Variants in SLC9C1 observed in about 807,000 individuals in gnomAD.
SLC9C1 encodes the protein sodium/hydrogen exchanger 10.
In SLC9C1, 97 loss-of-function variants were observed where a neutral mutation model predicts 140.9. The ratio of observed to expected loss-of-function variants is 0.69; its 90% confidence interval spans 0.58 to 0.82. The LOEUF (loss-of-function observed/expected upper bound fraction) is 0.82. Among genes scored for constraint, SLC9C1 ranks in the 40% least tolerant of loss-of-function variants. The probability of loss-of-function intolerance (pLI) is 0.00; values close to 1 mark genes in which losing one functional copy is unlikely to be tolerated. For synonymous variants in SLC9C1, 440 were observed against 442.6 expected (o/e 0.99, Z 0.07); for missense variants, 1,340 against 1,389.3 (o/e 0.96, Z 0.56).
chr3:112,152,987 T>A (rs2075027709), intron 27 of SLC9C1, among the ~76,000 whole-genome samples: 1 of 152,178 alleles, frequency 6.6e-6, no homozygotes, highest in African/African-American at 2.4e-5. Flanking sequence ...TGATCTATCT[T>A]TCTTTCCCCC....
At chr3:112,186,806 A>T (rs1462277984) in intron 20 of SLC9C1, among the ~76,000 whole-genome samples, 2 of 152,224 alleles carry the variant, frequency 1.3e-5, no homozygotes, top group Non-Finnish European at 2.9e-5. Context: ...ACACCTACAC[A>T]GTCGCTTAAA....
chr3:112,169,729 C>T (rs1246277247), intron 23 of SLC9C1, among the ~76,000 whole-genome samples: 3 of 151,902 alleles, frequency 2.0e-5, no homozygotes, highest in Non-Finnish European at 4.4e-5. Flanking sequence ...TTTTTGGTTC[C>T]ATATGAATTT....
In SLC9C1 at chr3:112,208,273, A is replaced by G; in HGVS notation, c.1891T>C (p.Ser631Pro). The G allele has an allele frequency of 6.2e-7, 1 of 1,611,080 alleles. No homozygotes were observed. Among genetic ancestry groups the G allele is most frequent in the Non-Finnish European group, 8.5e-7 (1 of 1,178,000 alleles). ...ATTACATTTAACTGGGATATCCAAG[A>G]GATTATAAAGGGAAATATATTCATT... The part of the protein sequence containing the change: ...ILMNIFPFII[S>P]WISQLNVIYH... Residue 631 changes from serine to proline, a missense_variant, in exon 16 of 29, where the codon TCT becomes CCT. Physicochemically the swap from Ser to Pro is moderately conservative, Grantham distance 74. Transcript: ENST00000305815.
chr3:112,263,208 A>C, intron 9 of SLC9C1, 110 bp from the exon 10 acceptor site: 3 of 874,026 alleles, frequency 3.4e-6, no homozygotes, highest in Non-Finnish European at 5.0e-6. Flanking sequence ...TCTCAAACAA[A>C]TGAGACATCT....
At chr3:112,175,957 A>G (rs2077328981) in intron 23 of SLC9C1, among the ~76,000 whole-genome samples, 1 of 152,208 alleles carries the variant, frequency 6.6e-6, no homozygotes, top group South Asian at 2.1e-4. Context: ...CCTGCAGACC[A>G]TCATTGGTCA....
At chr3:112,265,817 T>C (rs1457202976) in intron 8 of SLC9C1, among the ~76,000 whole-genome samples, 3 of 152,168 alleles carry the variant, frequency 2.0e-5, no homozygotes, top group Non-Finnish European at 4.4e-5. Flanking sequence ...CAGCACCTCA[T>C]TGTCCTTAAA....
chr3:112,264,576 A>G (rs1268289301), intron 8 of SLC9C1, among the ~76,000 whole-genome samples: 2 of 151,988 alleles, frequency 1.3e-5, no homozygotes, highest in African/African-American at 4.8e-5. Context: ...AAGGTCAGTA[A>G]AAGATCATAG....
chr3:112,260,480 C>A (rs1165237216), intron 10 of SLC9C1, among the ~76,000 whole-genome samples: 1 of 151,992 alleles, frequency 6.6e-6, no homozygotes, highest in Non-Finnish European at 1.5e-5. Flanking sequence ...CCTGCTTCTT[C>A]ACATGCATAG....
chr3:112,269,845 T>G, intron 7 of SLC9C1, 71 bp downstream of exon 7: 2 of 1,331,538 alleles, frequency 1.5e-6, no homozygotes, highest in East Asian at 2.6e-5. Context: ...TTGCCTGGTA[T>G]GCATTTTTCA....
chr3:112,218,616 A>G (rs1277736440), intron 14 of SLC9C1, among the ~76,000 whole-genome samples: 1 of 152,210 alleles, frequency 6.6e-6, no homozygotes. Context: ...TTGTTGTTAA[A>G]TGCCAAAGAT....
chr3:112,263,122 A>G lies in SLC9C1; in HGVS notation c.1023-24T>C, dbSNP rs75109001. The G allele has an allele frequency of 6.8e-4, 1,050 of 1,539,508 alleles. 12 individuals carry two copies. In the Admixed American group the frequency reaches 0.014, roughly 21 times the overall value. On this transcript the variant is annotated intron_variant, in intron 9 of 28. Transcript: ENST00000305815. The stretch of plus-strand genomic sequence containing the variant: ...ATCTAAAAGACAAAACAATTTTTAC[A>G]AAGTTATTCTTTCATATGAGTTTCT...
chr3:112,147,730 C>T (rs903529589), intron 28 of SLC9C1, among the ~76,000 whole-genome samples: 7 of 152,134 alleles, frequency 4.6e-5, no homozygotes, highest in Non-Finnish European at 1.0e-4. Context: ...GGCACTGACC[C>T]TGGACAGTCT....
intron 13 of SLC9C1, among the ~76,000 whole-genome samples, chr3:112,227,934 T>C (rs865902164): frequency 6.6e-6 from 1 of 151,972 alleles, no homozygotes; most frequent in Non-Finnish European, 1.5e-5. Context: ...TGGGAAGACA[T>C]CCCATGTTCA....
intron 6 of SLC9C1, among the ~76,000 whole-genome samples, chr3:112,270,598 T>C (rs1168391137): frequency 6.6e-6 from 1 of 152,224 alleles, no homozygotes; most frequent in African/African-American, 2.4e-5. Context: ...GGCAGATCAC[T>C]TGAGGCCAGG....
chr3:112,284,991 T>TTTTG (rs1371674650), intron 2 of SLC9C1, among the ~76,000 whole-genome samples: 1 of 137,906 alleles, frequency 7.3e-6, no homozygotes, highest in Non-Finnish European at 1.6e-5. Flanking sequence ...TTTTCTTTTT[T>TTTTG]TTTTTTTTTT....
intron 8 of SLC9C1, among the ~76,000 whole-genome samples, chr3:112,264,956 A>C (rs73853380): frequency 0.054 from 8,253 of 152,052 alleles, 271 homozygotes; most frequent in South Asian, 0.089. Context: ...ATGAATATTG[A>C]CATCACTAAG....
chr3:112,244,290 C>T (rs1445741270), intron 10 of SLC9C1, among the ~76,000 whole-genome samples: 1 of 152,086 alleles, frequency 6.6e-6, no homozygotes, highest in Non-Finnish European at 1.5e-5. Flanking sequence ...GTTTTGTTAC[C>T]AAACCGAAAT....
intron 15 of SLC9C1, among the ~76,000 whole-genome samples, chr3:112,214,250 A>G (rs1157835590): frequency 6.6e-6 from 1 of 152,252 alleles, no homozygotes; most frequent in Non-Finnish European, 1.5e-5. Context: ...CCCACAAAAG[A>G]AAGCAGGAAA....
chr3:112,267,857 T>C (rs1474228334), intron 7 of SLC9C1, among the ~76,000 whole-genome samples: 1 of 152,110 alleles, frequency 6.6e-6, no homozygotes, highest in Non-Finnish European at 1.5e-5. Flanking sequence ...AGCCCTGGAT[T>C]AGGTATTATA....
Sources: gnomAD v4.1 joint callset for allele counts (sites outside exome capture counted in the v4.1 genomes callset) on GRCh38, gnomAD v4.1.1 for gene constraint, MANE v1.5 for transcripts, NCBI Gene and HGNC (gene_info 2026-07-23, HGNC 2026-07-21) for gene names.